The following SLC16A10 variants were observed in gnomAD, a reference collection of about 807,000 sequenced individuals.
SLC16A10 encodes the protein solute carrier family 16 member 10.
A neutral mutation model predicts 40.0 loss-of-function variants in SLC16A10; 27 were observed. That is an observed-to-expected ratio of 0.67 (90% CI 0.50 to 0.93). The LOEUF (loss-of-function observed/expected upper bound fraction) is 0.93. SLC16A10 is among the 40% of genes least tolerant of loss of function. SLC16A10 has a pLI of 0.00. For missense variants in SLC16A10, 529 were observed against 658.2 expected (o/e 0.80, Z 2.15); for synonymous variants, 213 against 249.8 (o/e 0.85, Z 1.39).
rs1771007609 is a variant in SLC16A10 at position 111,227,025 on chromosome 6, C to G, written c.*4790C>G. On this transcript the variant is annotated 3_prime_UTR_variant, in exon 6 of 6. Transcript: ENST00000368851. ...CCTGTAGTCCCAGCTACTCAGGAGG[C>G]TGAGGCAAGAGGATTGCTTGAGCAT... The G allele has an allele frequency of 6.6e-6, 1 of 152,286 alleles. No individual in the cohort carries two copies. Among genetic ancestry groups the G allele is most frequent in the African/African-American group, 2.4e-5 (1 of 41,456 alleles). 9.4% of individuals were successfully genotyped at this position (152,286 alleles called of 1,614,324 possible).
At chr6:111,153,771 C>T (rs891195701) in intron 1 of SLC16A10, among the ~76,000 whole-genome samples, 1 of 152,214 alleles carries the variant, frequency 6.6e-6, no homozygotes, top group Admixed American at 6.5e-5. Context: ...TCCTAAACAT[C>T]ATCTGCCATG....
intron 1 of SLC16A10, among the ~76,000 whole-genome samples, chr6:111,090,623 C>T (rs561870373): frequency 1.1e-4 from 17 of 152,150 alleles, no homozygotes; most frequent in African/African-American, 4.1e-4. Context: ...CTTTCTCTTT[C>T]CTTCAGTGCA....
chr6:111,089,101 A>G (rs1015968249), intron 1 of SLC16A10, among the ~76,000 whole-genome samples: 5 of 152,128 alleles, frequency 3.3e-5, no homozygotes, highest in African/African-American at 1.2e-4. Flanking sequence ...TATGATTAAT[A>G]GTCTTTTTTT....
chr6:111,207,174 G>A (rs1303810531), intron 4 of SLC16A10, among the ~76,000 whole-genome samples: 2 of 152,206 alleles, frequency 1.3e-5, no homozygotes, highest in Admixed American at 1.3e-4. Context: ...GACAAAATTA[G>A]TTATTAGTTT....
chr6:111,208,464 G>A (rs537237634), intron 4 of SLC16A10, among the ~76,000 whole-genome samples: 2 of 152,246 alleles, frequency 1.3e-5, no homozygotes, highest in East Asian at 3.9e-4. Context: ...TGTAATCCCA[G>A]CTACTCAGCA....
intron 3 of SLC16A10, among the ~76,000 whole-genome samples, chr6:111,188,846 A>G (rs1301937131): frequency 6.6e-6 from 1 of 152,224 alleles, no homozygotes; most frequent in Non-Finnish European, 1.5e-5. Flanking sequence ...GTAACCTTTT[A>G]TAAGGAAAGC....
At chr6:111,142,908 C>T (rs1772009519) in intron 1 of SLC16A10, among the ~76,000 whole-genome samples, 1 of 152,194 alleles carries the variant, frequency 6.6e-6, no homozygotes, top group Non-Finnish European at 1.5e-5. Context: ...CACACAGAAA[C>T]CTGCACATAG....
At chr6:111,162,374 A>G (rs1772386128) in intron 1 of SLC16A10, among the ~76,000 whole-genome samples, 1 of 152,176 alleles carries the variant, frequency 6.6e-6, no homozygotes, top group Non-Finnish European at 1.5e-5. Context: ...TTGAGGTCCC[A>G]AGATAACATG....
intron 3 of SLC16A10, among the ~76,000 whole-genome samples, chr6:111,190,603 G>A (rs1772973769): frequency 6.6e-6 from 1 of 152,228 alleles, no homozygotes; most frequent in African/African-American, 2.4e-5. Flanking sequence ...TGAAATCTAG[G>A]TGGAGGTTCC....
intron 1 of SLC16A10, among the ~76,000 whole-genome samples, chr6:111,118,679 C>CAA (rs74273023): frequency 0.012 from 818 of 66,306 alleles, 14 homozygotes; most frequent in African/African-American, 0.019. Context: ...GCCTCCGTCT[C>CAA]AAAAAAAAAA....
chr6:111,112,039 A>AT (rs1771396620), intron 1 of SLC16A10, among the ~76,000 whole-genome samples: 3 of 151,188 alleles, frequency 2.0e-5, no homozygotes, highest in Non-Finnish European at 3.0e-5. Flanking sequence ...TAGATATAAA[A>AT]TTTTTTTTTG....
chr6:111,115,410 A>C (rs1771467883), intron 1 of SLC16A10, among the ~76,000 whole-genome samples: 1 of 152,160 alleles, frequency 6.6e-6, no homozygotes, highest in Admixed American at 6.5e-5. Flanking sequence ...GGTTTTGCCA[A>C]GTTGGCCAGG....
intron 1 of SLC16A10, among the ~76,000 whole-genome samples, chr6:111,169,072 A>G (rs12192617): frequency 0.11 from 17,270 of 152,182 alleles, 1,113 homozygotes; most frequent in Middle Eastern, 0.17. Flanking sequence ...ACTCTCCGAG[A>G]CACCCAACAA....
intron 1 of SLC16A10, among the ~76,000 whole-genome samples, chr6:111,160,596 G>A (rs768940193): frequency 2.0e-5 from 3 of 152,252 alleles, no homozygotes; most frequent in Non-Finnish European, 2.9e-5. Flanking sequence ...TGGTCCACCT[G>A]TGCTATAGCT....
intron 4 of SLC16A10, among the ~76,000 whole-genome samples, chr6:111,208,070 G>C (rs1773283842): frequency 6.6e-6 from 1 of 152,122 alleles, no homozygotes; most frequent in Admixed American, 6.5e-5. Flanking sequence ...CCGGGCTCAA[G>C]CAATCCTCCC....
In SLC16A10 at chr6:111,222,240, T is replaced by C; in HGVS notation, c.*5T>C. On this transcript the variant is annotated 3_prime_UTR_variant, in exon 6 of 6. Transcript: ENST00000368851. ...GAATCTGACTCTATTATTTAATATC[T>C]TACATACCTCCACCAGACTGGACTT... 1 of 1,592,730 alleles carries C rather than the reference T, an allele frequency of 6.3e-7. No individual in the cohort carries two copies. The highest frequency in any genetic ancestry group is 1.2e-5 in the South Asian group (1 of 85,818).
chr6:111,152,923 A>C (rs955810139), intron 1 of SLC16A10, among the ~76,000 whole-genome samples: 1 of 152,200 alleles, frequency 6.6e-6, no homozygotes, highest in African/African-American at 2.4e-5. Flanking sequence ...GGCAACATTT[A>C]AGAAACCCAG....
rs930631542 is a variant in SLC16A10 at position 111,091,694 on chromosome 6, C to G, written c.343+3599C>G. ...TGAGGAGGAGCCTTTCTTAGGCTCA[C>G]TTCTCTTCAGGGCTCTGTTAACTCT... is the stretch of plus-strand genomic sequence containing the variant. On this transcript the variant is annotated intron_variant, in intron 1 of 5. Coordinates refer to ENST00000368851, the MANE Select transcript of SLC16A10 (RefSeq NM_018593.5). Among the ~76,000 whole-genome samples, 60 of 151,738 alleles carry G rather than the reference C, an allele frequency of 4.0e-4. 2 individuals carry two copies.
At chr6:111,103,256 C>T (rs890612208) in intron 1 of SLC16A10, among the ~76,000 whole-genome samples, 6 of 151,920 alleles carry the variant, frequency 3.9e-5, no homozygotes, top group African/African-American at 1.5e-4. Context: ...TCACTCTTGT[C>T]GCCCAAGCTG....
Sources: allele counts gnomAD v4.1 joint callset (sites outside exome capture counted in the v4.1 genomes callset), GRCh38; gene constraint gnomAD v4.1.1; transcripts MANE v1.5; gene names NCBI Gene and HGNC (gene_info 2026-07-23, HGNC 2026-07-21).